CIMAP1D: variants seen among roughly 807,000 people sequenced by gnomAD.
CIMAP1D encodes CIMAP1 family member D.
At chr19:476,846 A>G in the CIMAP1D span, among the ~76,000 whole-genome samples, 2 of 152,238 alleles carry the variant, frequency 1.3e-5, no homozygotes, top group Non-Finnish European at 2.9e-5. Context: ...AAAAATCAAC[A>G]TATTAAACTG....
the CIMAP1D span, among the ~76,000 whole-genome samples, chr19:479,612 C>T: frequency 3.9e-5 from 6 of 152,226 alleles, no homozygotes; most frequent in Non-Finnish European, 7.3e-5. Flanking sequence ...TCCATGTTGG[C>T]CAGGCTGGTC....
the CIMAP1D span, chr19:489,805 C>T: frequency 1.4e-4 from 52 of 375,610 alleles, no homozygotes; most frequent in Non-Finnish European, 2.2e-4. Context: ...ATGTCCAGCA[C>T]TCAGCGCGGG....
the CIMAP1D span, chr19:463,821 A>G: frequency 1.3e-6 from 2 of 1,597,984 alleles, no homozygotes; most frequent in Non-Finnish European, 8.5e-7. Flanking sequence ...CCCCCCGTTC[A>G]CTGTGTGGGA....
At chr19:463,923 T>C in the CIMAP1D span, 8 of 1,611,336 alleles carry the variant, frequency 5.0e-6, no homozygotes, top group African/African-American at 4.0e-5. Flanking sequence ...CCGTTTCGAG[T>C]GGCGGATGCC....
At chr19:466,205 TGGGTGGGCG>T in the CIMAP1D span, among the ~76,000 whole-genome samples, 1 of 28,050 alleles carries the variant, frequency 3.6e-5, no homozygotes, top group Non-Finnish European at 7.1e-5. Context: ...GATGGATGGG[TGGGTGGGCG>T]GGTGGGTGGA....
chr19:472,341 G>A, the CIMAP1D span: 5 of 1,095,854 alleles, frequency 4.6e-6, no homozygotes, highest in Non-Finnish European at 6.3e-6. Context: ...AGTGCTCCTG[G>A]GGGGAGATTG....
At chr19:477,216 C>T in the CIMAP1D span, among the ~76,000 whole-genome samples, 28 of 152,192 alleles carry the variant, frequency 1.8e-4, no homozygotes, top group African/African-American at 6.5e-4. Flanking sequence ...GCTAGGAAAA[C>T]AAGAGTAAGT....
At chr19:466,689 G>T in the CIMAP1D span, among the ~76,000 whole-genome samples, 1 of 147,676 alleles carries the variant, frequency 6.8e-6, no homozygotes, top group Non-Finnish European at 1.5e-5. Flanking sequence ...TGGATGGACG[G>T]GTGGATAGAT....
At chr19:467,583 G>T in the CIMAP1D span, 1 of 988,412 alleles carries the variant, frequency 1.0e-6, no homozygotes, top group Non-Finnish European at 1.6e-6. Flanking sequence ...AGGGAGGACA[G>T]GGCAGGAGAG....
chr19:464,140 C>CGGGGGGGTGGGG, the CIMAP1D span: 1 of 796,576 alleles, frequency 1.3e-6, no homozygotes, highest in Non-Finnish European at 1.5e-6. Flanking sequence ...GGGGGGCGGG[C>CGGGGGGGTGGGG]GGGGGGGGTG....
the CIMAP1D span, among the ~76,000 whole-genome samples, chr19:481,954 T>C: frequency 6.6e-6 from 1 of 151,980 alleles, no homozygotes; most frequent in Non-Finnish European, 1.5e-5. Flanking sequence ...TTCTTTTTTG[T>C]GTGTGGAGAT....
the CIMAP1D span, among the ~76,000 whole-genome samples, chr19:484,065 C>T: frequency 1.4e-4 from 21 of 152,086 alleles, no homozygotes; most frequent in South Asian, 1.4e-3. Context: ...GCTTCTAGCT[C>T]GGAACAACCG....
At chr19:474,436 C>T in the CIMAP1D span, among the ~76,000 whole-genome samples, 4 of 151,696 alleles carry the variant, frequency 2.6e-5, no homozygotes, top group Admixed American at 6.6e-5. Flanking sequence ...GACACATACT[C>T]GGGGCTCACG....
At chr19:471,019 AG>A in the CIMAP1D span, among the ~76,000 whole-genome samples, 3 of 152,272 alleles carry the variant, frequency 2.0e-5, no homozygotes, top group African/African-American at 7.2e-5. Flanking sequence ...GAGACGGGCC[AG>A]GCCCGGGGAG....
chr19:472,315 G>C, the CIMAP1D span: 1 of 798,386 alleles, frequency 1.3e-6, no homozygotes, highest in Non-Finnish European at 1.9e-6. Flanking sequence ...GGATCTAAGG[G>C]GTAAGGAGAC....
At chr19:487,074 C>A in the CIMAP1D span, among the ~76,000 whole-genome samples, 3 of 152,138 alleles carry the variant, frequency 2.0e-5, no homozygotes, top group Admixed American at 6.6e-5. Flanking sequence ...AGATTTGATC[C>A]TGCAACCTGC....
At chr19:478,447 C>A in the CIMAP1D span, among the ~76,000 whole-genome samples, 1 of 152,254 alleles carries the variant, frequency 6.6e-6, no homozygotes, top group African/African-American at 2.4e-5. Context: ...GATGGGAAGC[C>A]GGCCAAGCCG....
At chr19:464,202 C>T in the CIMAP1D span, 8 of 1,513,008 alleles carry the variant, frequency 5.3e-6, no homozygotes, top group African/African-American at 1.4e-5. Flanking sequence ...GATCTGTGAG[C>T]CCCACAGAGG....
At chr19:476,144 A>C in the CIMAP1D span, among the ~76,000 whole-genome samples, 1 of 151,644 alleles carries the variant, frequency 6.6e-6, no homozygotes, top group African/African-American at 2.4e-5. Context: ...GATTACAGGC[A>C]TGCACCACCA....
Sources: allele counts gnomAD v4.1 joint callset (sites outside exome capture counted in the v4.1 genomes callset), GRCh38; gene constraint gnomAD v4.1.1; transcripts MANE v1.5; gene names NCBI Gene and HGNC (gene_info 2026-07-23, HGNC 2026-07-21).